UBN2: variants seen among roughly 807,000 people sequenced by gnomAD.
UBN2 encodes ubinuclein 2.
A neutral mutation model predicts 120.2 loss-of-function variants in UBN2; 35 were observed. The observed-to-expected ratio is 0.29, with a 90% CI of 0.22 to 0.39. UBN2 has a LOEUF of 0.39. Among genes scored for constraint, UBN2 ranks in the 10% least tolerant of loss-of-function variants. The probability of loss-of-function intolerance (pLI) is 1.00; values close to 1 mark genes in which losing one functional copy is unlikely to be tolerated. For synonymous variants in UBN2, 661 were observed against 648.7 expected (o/e 1.02, Z -0.29); for missense variants, 1,693 against 1,663.2 (o/e 1.02, Z -0.31).
intron 7 of UBN2, among the ~76,000 whole-genome samples, chr7:139,268,962 G>C (rs1797181080): frequency 6.6e-6 from 1 of 152,190 alleles, no homozygotes; most frequent in East Asian, 1.9e-4. Flanking sequence ...CACACTTTGG[G>C]ATCAAAGGCC....
At chr7:139,269,316 T>C in intron 7 of UBN2, 78 bp from the exon 8 acceptor site, 1 of 1,396,016 alleles carries the variant, frequency 7.2e-7, no homozygotes, top group Non-Finnish European at 9.7e-7. Flanking sequence ...GAACAAGAAC[T>C]GGCTTTGCTT....
intron 2 of UBN2, among the ~76,000 whole-genome samples, chr7:139,246,091 G>A (rs779077771): frequency 6.6e-6 from 1 of 152,114 alleles, no homozygotes; most frequent in East Asian, 1.9e-4. Context: ...GAGGCCAGGC[G>A]CGGTGGCTCA....
chr7:139,287,187 A>G (rs574002108), intron 15 of UBN2, among the ~76,000 whole-genome samples: 1 of 152,284 alleles, frequency 6.6e-6, no homozygotes, highest in South Asian at 2.1e-4. Context: ...TTAATTCTTA[A>G]TTTGATCAAA....
At chr7:139,285,751 A>T (rs1260418946) in intron 15 of UBN2, among the ~76,000 whole-genome samples, 1 of 151,214 alleles carries the variant, frequency 6.6e-6, no homozygotes, top group Non-Finnish European at 1.5e-5. Context: ...TATATTTTTT[A>T]TTTTTCCCTA....
intron 3 of UBN2, among the ~76,000 whole-genome samples, chr7:139,252,948 T>A (rs928936571): frequency 6.6e-6 from 1 of 152,138 alleles, no homozygotes; most frequent in African/African-American, 2.4e-5. Context: ...TCTTTTTTTT[T>A]AATTATAAGA....
rs1180990801 is a variant in UBN2, at chr7:139,271,518, G to A, written c.1597-804G>A. Among the ~76,000 whole-genome samples, 10 of 151,916 alleles carry A rather than the reference G, an allele frequency of 6.6e-5. No individual in the cohort carries two copies. In the South Asian group the frequency reaches 1.0e-3, roughly 16 times the overall value. On this transcript the variant is annotated intron_variant, in intron 8 of 17. Transcript: ENST00000473989. Reference sequence around the variant, plus strand: ...CGATAATCACTTGAACCCAGAAGGCGGAGGTTGCAGTGAGCCAAGATGGTG... The same window carrying A: ...CGATAATCACTTGAACCCAGAAGGCAGAGGTTGCAGTGAGCCAAGATGGTG...
intron 8 of UBN2, among the ~76,000 whole-genome samples, 163 bp downstream of exon 8, chr7:139,269,686 T>C (rs1797204030): frequency 6.6e-6 from 1 of 152,216 alleles, no homozygotes; most frequent in Non-Finnish European, 1.5e-5. Context: ...TGAAAAATAA[T>C]TGCGTCTTCA....
rs918259721 is a variant in UBN2 at position 139,304,250 on chromosome 7, G to A, written c.*6414G>A. 3 of 152,116 alleles carry A rather than the reference G, an allele frequency of 2.0e-5. No individual in the cohort carries two copies. The highest frequency in any genetic ancestry group is 6.6e-5 in the Admixed American group (1 of 15,264). 9.4% of individuals were successfully genotyped at this position (152,116 alleles called of 1,614,324 possible). A position where few individuals can be genotyped will look rare whatever the true frequency, so the allele number is the denominator to read the frequency against. On this transcript the variant is annotated 3_prime_UTR_variant, in exon 18 of 18. Transcript: ENST00000473989. ...TGCTTCTTCAACCCATGAAAGAGGTGGAGCCATCAGCTGCTCAGGTTGTAA... is the reference window on the plus strand; with the variant it reads ...TGCTTCTTCAACCCATGAAAGAGGTAGAGCCATCAGCTGCTCAGGTTGTAA...
chr7:139,278,387 G>A (rs1431897573), intron 12 of UBN2, among the ~76,000 whole-genome samples: 1 of 151,942 alleles, frequency 6.6e-6, no homozygotes, highest in African/African-American at 2.4e-5. Flanking sequence ...TCACCATGTT[G>A]GCCAGGCTGG....
chr7:139,297,452 GT>G, intron 17 of UBN2, among the ~76,000 whole-genome samples: 2 of 152,122 alleles, frequency 1.3e-5, no homozygotes, highest in African/African-American at 4.8e-5. Flanking sequence ...TCCCTCGGAG[GT>G]AGGAATTGTG....
At position 139,304,841 on chromosome 7, in the gene UBN2, CAT is replaced by C. The variant is rs965994761; in HGVS notation, c.*7006_*7007del. On this transcript the variant is annotated 3_prime_UTR_variant, in exon 18 of 18. Transcript: ENST00000473989. ...ATAAACATACTCCTTTTTTTTTTCA[CAT>C]GTCCCTGTCTTTTCCATTCTCAGAT... The C allele has an allele frequency of 6.6e-6, 1 of 150,612 alleles. No individual in the cohort carries two copies. The highest frequency in any genetic ancestry group is 2.4e-5 in the African/African-American group (1 of 40,928). The allele number at this position is 150,612 out of a possible 1,614,324, so 9.3% of individuals were successfully genotyped here.
chr7:139,286,201 TACA>T (rs1346545807), intron 15 of UBN2, among the ~76,000 whole-genome samples: 2 of 152,186 alleles, frequency 1.3e-5, no homozygotes. Flanking sequence ...GTGCTGGGCT[TACA>T]GGCGTGAGCT....
At chr7:139,246,334 C>T (rs1410660872) in intron 2 of UBN2, among the ~76,000 whole-genome samples, 1 of 152,160 alleles carries the variant, frequency 6.6e-6, no homozygotes, top group Non-Finnish European at 1.5e-5. Context: ...CACTGCACTC[C>T]AGCCTGAGCG....
chr7:139,246,785 C>T (rs1796480831), intron 2 of UBN2, among the ~76,000 whole-genome samples: 1 of 152,104 alleles, frequency 6.6e-6, no homozygotes, highest in South Asian at 2.1e-4. Flanking sequence ...TGTTTGTTGG[C>T]CTTTTCTAGG....
At chr7:139,263,598 A>G (rs1292604169) in intron 6 of UBN2, among the ~76,000 whole-genome samples, 1 of 151,944 alleles carries the variant, frequency 6.6e-6, no homozygotes, top group Non-Finnish European at 1.5e-5. Context: ...ACATGGTGAA[A>G]CCCCATCTCT....
chr7:139,293,784 G>A (rs1376720297), intron 16 of UBN2, 105 bp from the exon 17 acceptor site: 3 of 1,049,414 alleles, frequency 2.9e-6, no homozygotes, highest in East Asian at 2.5e-5. Flanking sequence ...GAAGGCCTTC[G>A]AAGTCAGGTG....
chr7:139,263,425 C>CGA (rs1197818350), intron 6 of UBN2, among the ~76,000 whole-genome samples: 1 of 151,982 alleles, frequency 6.6e-6, no homozygotes, highest in African/African-American at 2.4e-5. Flanking sequence ...TGGATTGAGA[C>CGA]TTATCAGTTG....
At chr7:139,319,511 C>T in the UBN2 span, among the ~76,000 whole-genome samples, 1 of 152,168 alleles carries the variant, frequency 6.6e-6, no homozygotes, top group Non-Finnish European at 1.5e-5. Flanking sequence ...GTCCCAGCTA[C>T]TTGAGAGGCT....
rs1438281211 is a variant in UBN2, at chr7:139,308,028, T to TG, written c.*10192_*10193insG. The TG allele has an allele frequency of 1.4e-5, 2 of 145,454 alleles. No individual in the cohort carries two copies. Among genetic ancestry groups the TG allele is most frequent in the African/African-American group, 5.0e-5 (2 of 40,120 alleles). The allele number at this position is 145,454 out of a possible 1,614,324, so 9.0% of individuals were successfully genotyped here. A position where few individuals can be genotyped will look rare whatever the true frequency, so the allele number is the denominator to read the frequency against. On this transcript the variant is annotated 3_prime_UTR_variant, in exon 18 of 18. Coordinates refer to ENST00000473989, the MANE Select transcript of UBN2 (RefSeq NM_173569.4). The stretch of plus-strand genomic sequence containing the variant: ...CCTTCAGTGCAGGGATTTTTGTGTT[T>TG]TTTTTTTTTTTTTAATTTTTTTGCA...
Sources: allele counts gnomAD v4.1 joint callset (sites outside exome capture counted in the v4.1 genomes callset), GRCh38; gene constraint gnomAD v4.1.1; transcripts MANE v1.5; gene names NCBI Gene and HGNC (gene_info 2026-07-23, HGNC 2026-07-21).